The following NMD3 variants were observed in gnomAD, a reference collection of about 807,000 sequenced individuals.
The protein encoded by NMD3 is NMD3 ribosome export adaptor.
A neutral mutation model predicts 73.1 loss-of-function variants in NMD3; 47 were observed. That is an observed-to-expected ratio of 0.64 (90% CI 0.51 to 0.82). NMD3 has a LOEUF of 0.82. Among genes scored for constraint, NMD3 ranks in the 40% least tolerant of loss-of-function variants. The pLI, the probability that NMD3 is intolerant of heterozygous loss-of-function variation, is 0.00. For missense variants in NMD3, 554 were observed against 612.5 expected (o/e 0.90, Z 1.01); for synonymous variants, 210 against 194.5 (o/e 1.08, Z -0.66).
intron 4 of NMD3, among the ~76,000 whole-genome samples, chr3:161,228,793 GC>G (rs1358448838): frequency 1.3e-5 from 2 of 152,132 alleles, no homozygotes; most frequent in Non-Finnish European, 2.9e-5. Flanking sequence ...ACACTAACAT[GC>G]CAGTGTGGAG....
rs1737037391 is a variant in NMD3 at position 161,242,633 on chromosome 3, G to A, written c.997G>A (p.Ala333Thr). Residue 333 changes from alanine (A) to threonine (T), a missense_variant, in exon 11 of 16, where the codon GCT becomes ACT. Coordinates refer to ENST00000351193, the MANE Select transcript of NMD3 (RefSeq NM_015938.5). ...CCAAGATATAAAACGTGCTGCAGGT[G>A]CTGGAATGATATCAAAAAAGGTAAG... ...IVQDIKRAAG[A>T]GMISKKHTLG... 1.9e-6 allele frequency: 3 copies of A among 1,611,934 alleles called. No individual in the cohort carries two copies. Among genetic ancestry groups the A allele is most frequent in the Non-Finnish European group, 2.5e-6 (3 of 1,178,822 alleles).
intron 7 of NMD3, among the ~76,000 whole-genome samples, chr3:161,237,523 A>C (rs1167097628): frequency 6.8e-6 from 1 of 146,096 alleles, no homozygotes; most frequent in Admixed American, 7.0e-5. Flanking sequence ...TCCATTTATT[A>C]CATAAAATAA....
intron 7 of NMD3, among the ~76,000 whole-genome samples, chr3:161,237,882 A>G (rs915144186): frequency 1.1e-4 from 16 of 151,526 alleles, no homozygotes; most frequent in Admixed American, 6.6e-4. Context: ...CTTGAGTTTT[A>G]TTTTTTCTAG....
Position 161,251,964 on chromosome 3 carries a change from A to C in NMD3, c.*1054A>C, listed in dbSNP as rs1310354672. On this transcript the variant is annotated 3_prime_UTR_variant, in exon 16 of 16. Transcript: ENST00000351193. ...GTATGCCGCAAGTAAGAGCTAATTC[A>C]TTCATTCCATGTGTGCCACTAAATA... The C allele has an allele frequency of 6.6e-6, 1 of 152,238 alleles. No individual in the cohort carries two copies. The highest frequency in any genetic ancestry group is 1.5e-5 in the Non-Finnish European group (1 of 68,044). The allele number at this position is 152,238 out of a possible 1,614,324, so 9.4% of individuals were successfully genotyped here. A position where few individuals can be genotyped will look rare whatever the true frequency, so the allele number is the denominator to read the frequency against.
rs1736262082 is a variant in NMD3, at chr3:161,225,076, T to A, written c.179+12T>A. 6.2e-7 allele frequency: 1 copy of A among 1,601,474 alleles called. No individual in the cohort carries two copies. The highest frequency in any genetic ancestry group is 1.4e-5 in the African/African-American group (1 of 73,992). On this transcript the variant is annotated intron_variant, in intron 3 of 15. Transcript: ENST00000351193. ...AAACAATGTCAAAGGTACAGTGCGG[T>A]ACAATTTTGCTCTTTTTAAAGTTGG...
intron 11 of NMD3, among the ~76,000 whole-genome samples, chr3:161,244,036 T>C (rs4856714): frequency 0.5 from 75,364 of 152,052 alleles, 19,121 homozygotes; most frequent in East Asian, 0.77. Flanking sequence ...TTTCTATTTC[T>C]ATTCTACATT....
Position 161,242,654 on chromosome 3 carries a change from G to A in NMD3, c.1017+1G>A, listed in dbSNP as rs1737038059. The stretch of plus-strand genomic sequence containing the variant: ...AGGTGCTGGAATGATATCAAAAAAG[G>A]TAAGCTACATCCTGCCTGCCAGTGT... On this transcript the variant is annotated splice_donor_variant, in intron 11 of 15. Coordinates refer to ENST00000351193, the MANE Select transcript of NMD3 (RefSeq NM_015938.5). LOFTEE classifies it high-confidence loss of function. 6.2e-7 allele frequency: 1 copy of A among 1,609,476 alleles called. No homozygotes were observed. The highest frequency in any genetic ancestry group is 1.7e-5 in the Admixed American group (1 of 59,844).
intron 9 of NMD3, among the ~76,000 whole-genome samples, 164 bp downstream of exon 9, chr3:161,238,990 T>G (rs1477751150): frequency 6.6e-6 from 1 of 152,146 alleles, no homozygotes; most frequent in Admixed American, 6.6e-5. Context: ...AAGATATATA[T>G]TTTTAAAAAA....
At position 161,250,919 on chromosome 3, in the gene NMD3, T is replaced by C; in HGVS notation, c.*9T>C. 1 of 1,608,580 alleles carries C rather than the reference T, an allele frequency of 6.2e-7. No homozygotes were observed. Among genetic ancestry groups the C allele is most frequent in the African/African-American group, 1.3e-5 (1 of 74,918 alleles). On this transcript the variant is annotated 3_prime_UTR_variant, in exon 16 of 16. Coordinates refer to ENST00000351193, the MANE Select transcript of NMD3 (RefSeq NM_015938.5). ...CATCAATGCTGACATAATGAGATGT[T>C]GTAGACTGTTTCCATACATGGGCTT... is the stretch of plus-strand genomic sequence containing the variant.
intron 11 of NMD3, among the ~76,000 whole-genome samples, chr3:161,244,650 T>G (rs930857433): frequency 6.6e-6 from 1 of 150,420 alleles, no homozygotes; most frequent in East Asian, 1.9e-4. Flanking sequence ...TTTTTTTTTT[T>G]TTTTTTTAAA....
At chr3:161,228,673 A>G (rs548297049) in intron 4 of NMD3, among the ~76,000 whole-genome samples, 14 of 152,156 alleles carry the variant, frequency 9.2e-5, no homozygotes, top group African/African-American at 3.4e-4. Flanking sequence ...TCATTAATTA[A>G]TTCATCAGAT....
chr3:161,247,474 ATTT>A lies in NMD3; in HGVS notation c.1203+160_1203+162del, dbSNP rs372150378. The A allele has an allele frequency of 1.5e-3, 517 of 350,868 alleles. 1 individual carries two copies. The highest frequency in any genetic ancestry group is 3.4e-3 in the African/African-American group (153 of 45,060). 21.7% of individuals were successfully genotyped at this position (350,868 alleles called of 1,614,324 possible). On this transcript the variant is annotated intron_variant, in intron 13 of 15. Transcript: ENST00000351193. ...ACTGCAGATAAGGTATAATAGCAAA[ATTT>A]TTTTTTTTTTTTTTTAAAGAAACAG...
rs535524164 is a variant in NMD3 at position 161,250,673 on chromosome 3, CATA to C, written c.1382-98_1382-96del. The C allele has an allele frequency of 3.3e-3, 2,258 of 684,160 alleles. 8 individuals are homozygous for C. Among genetic ancestry groups the C allele is most frequent in the Admixed American group, 5.0e-3 (163 of 32,796 alleles). 42.4% of individuals were successfully genotyped at this position (684,160 alleles called of 1,614,324 possible). On this transcript the variant is annotated intron_variant, in intron 15 of 15. Transcript: ENST00000351193. Reference sequence around the variant, plus strand: ...AAGAGCTTCTGATACAATGTAGTTACATAATAATAATGATAAGGTAGATATTTG... The same window carrying C: ...AAGAGCTTCTGATACAATGTAGTTACATAATAATGATAAGGTAGATATTTG...
intron 3 of NMD3, among the ~76,000 whole-genome samples, chr3:161,225,749 G>A (rs1475459329): frequency 6.6e-6 from 1 of 152,134 alleles, no homozygotes; most frequent in Non-Finnish European, 1.5e-5. Context: ...TATCTCTAGA[G>A]GGGTGGTTCA....
chr3:161,224,836 C>T, intron 2 of NMD3, 94 bp from the exon 3 acceptor site: 6 of 1,267,496 alleles, frequency 4.7e-6, no homozygotes, highest in Non-Finnish European at 5.4e-6. Context: ...ATGCTGTGGC[C>T]TAACTTGAAG....
intron 1 of NMD3, chr3:161,221,730 A>T (rs1042027560): frequency 1.0e-5 from 3 of 296,806 alleles, no homozygotes; most frequent in Non-Finnish European, 1.9e-5. Flanking sequence ...CCCAGGTGAG[A>T]TGGAGGTCAG....
At position 161,227,381 on chromosome 3, in the gene NMD3, T is replaced by G. The variant is rs755633966; in HGVS notation, c.276+38T>G. 10 of 1,250,540 alleles carry G rather than the reference T, an allele frequency of 8.0e-6. No individual in the cohort carries two copies. The East Asian group carries it at 2.1e-4, about 26-fold the overall frequency. 77.5% of individuals were successfully genotyped at this position (1,250,540 alleles called of 1,614,324 possible). On this transcript the variant is annotated intron_variant, in intron 4 of 15. Coordinates refer to ENST00000351193, the MANE Select transcript of NMD3 (RefSeq NM_015938.5). Reference sequence around the variant, plus strand: ...GCTAAAATCAGTATTCATAGGTATGTTTTCATTAAAGGTCTCATTTTCAGA... The same window carrying G: ...GCTAAAATCAGTATTCATAGGTATGGTTTCATTAAAGGTCTCATTTTCAGA...
At chr3:161,244,497 A>C (rs1295552650) in intron 11 of NMD3, among the ~76,000 whole-genome samples, 1 of 152,158 alleles carries the variant, frequency 6.6e-6, no homozygotes, top group Non-Finnish European at 1.5e-5. Context: ...AATCATTTCC[A>C]GTGGTGAAAA....
chr3:161,250,830 A>T lies in NMD3; in HGVS notation c.1432A>T (p.Ile478Phe). ...SDTDDEGAPR[I>F]SLAEMLEDLH... ...CACCGATGATGAAGGAGCACCTCGAATTAGTCTGGCTGAGATGCTTGAAGA... is the reference window on the plus strand; with the variant it reads ...CACCGATGATGAAGGAGCACCTCGATTTAGTCTGGCTGAGATGCTTGAAGA... Residue 478 changes from isoleucine to phenylalanine, a missense_variant, in exon 16 of 16, where the codon ATT becomes TTT. Physicochemically the swap from Ile to Phe is conservative, Grantham distance 21 (BLOSUM62 0). Transcript: ENST00000351193. 1 of 1,611,982 alleles carries T rather than the reference A, an allele frequency of 6.2e-7. No individual in the cohort carries two copies. Among genetic ancestry groups the T allele is most frequent in the Non-Finnish European group, 8.5e-7 (1 of 1,178,194 alleles).
Sources: gnomAD v4.1 joint callset for allele counts (sites outside exome capture counted in the v4.1 genomes callset) on GRCh38, gnomAD v4.1.1 for gene constraint, MANE v1.5 for transcripts, NCBI Gene and HGNC (gene_info 2026-07-23, HGNC 2026-07-21) for gene names.